Variants in FANCL observed in about 807,000 individuals in gnomAD.
FANCL encodes the protein FA complementation group L.
Under a neutral mutation model 59.4 loss-of-function variants are expected in FANCL, and 69 were observed. The ratio of observed to expected loss-of-function variants is 1.16; its 90% CI spans 0.96 to 1.42. The LOEUF (loss-of-function observed/expected upper bound fraction) is 1.42. Among genes scored for constraint, FANCL ranks in the 40% most tolerant of loss-of-function variants. The probability of loss-of-function intolerance (pLI) is 0.00; values close to 1 mark genes in which losing one functional copy is unlikely to be tolerated. For missense variants in FANCL, 519 were observed against 447.2 expected (o/e 1.16, Z -1.45); for synonymous variants, 180 against 147.1 (o/e 1.22, Z -1.62).
chr2:58,195,018 A>T (rs1689297005), intron 7 of FANCL, among the ~76,000 whole-genome samples: 2 of 152,070 alleles, frequency 1.3e-5, no homozygotes, highest in South Asian at 4.1e-4. Context: ...AGGGATTTTT[A>T]AAAAATCAAT....
chr2:58,221,709 C>T (rs1377048755), intron 5 of FANCL, among the ~76,000 whole-genome samples: 1 of 152,054 alleles, frequency 6.6e-6, no homozygotes, highest in Non-Finnish European at 1.5e-5. Context: ...TAACATCTTA[C>T]TGTGTACATA....
intron 7 of FANCL, among the ~76,000 whole-genome samples, chr2:58,173,007 C>G (rs1004777873): frequency 6.6e-6 from 1 of 152,090 alleles, no homozygotes; most frequent in African/African-American, 2.4e-5. Flanking sequence ...CCTCAGGAGC[C>G]GATGCGATCA....
At chr2:58,241,144 C>T in intron 1 of FANCL, 74 bp downstream of exon 1, 1 of 1,514,240 alleles carries the variant, frequency 6.6e-7, no homozygotes, top group Admixed American at 1.7e-5. Flanking sequence ...AACCTCCTAG[C>T]CCGTCACAGA....
intron 5 of FANCL, among the ~76,000 whole-genome samples, chr2:58,207,735 A>T (rs923285341): frequency 6.6e-6 from 1 of 152,194 alleles, no homozygotes; most frequent in African/African-American, 2.4e-5. Context: ...ATAAACTCTT[A>T]CAAGTGGTAT....
chr2:58,228,678 A>T (rs1558821776), intron 3 of FANCL, among the ~76,000 whole-genome samples: 2 of 152,212 alleles, frequency 1.3e-5, no homozygotes, highest in Non-Finnish European at 2.9e-5. Flanking sequence ...GCCCATATTT[A>T]CTAAAATTAA....
intron 7 of FANCL, among the ~76,000 whole-genome samples, chr2:58,191,970 C>G (rs1185372957): frequency 1.3e-5 from 2 of 151,864 alleles, no homozygotes; most frequent in East Asian, 3.9e-4. Context: ...CTGGTAAAGA[C>G]AGAGCCAGAA....
chr2:58,165,460 G>C (rs1039672452), intron 8 of FANCL, among the ~76,000 whole-genome samples: 5 of 152,018 alleles, frequency 3.3e-5, no homozygotes, highest in African/African-American at 1.2e-4. Context: ...CACGATTCCT[G>C]TGCTAATTAG....
intron 3 of FANCL, among the ~76,000 whole-genome samples, 165 bp downstream of exon 3, chr2:58,229,646 TCTC>T (rs1431486233): frequency 6.6e-6 from 1 of 152,146 alleles, no homozygotes; most frequent in Non-Finnish European, 1.5e-5. Context: ...TGCCTGGAGA[TCTC>T]CTGAGGACAC....
At chr2:58,177,741 C>A (rs899626215) in intron 7 of FANCL, among the ~76,000 whole-genome samples, 1 of 150,364 alleles carries the variant, frequency 6.7e-6, no homozygotes, top group Non-Finnish European at 1.5e-5. Context: ...TGTAAGTAAC[C>A]TGCACATTGT....
chr2:58,190,835 C>G (rs569647211), intron 7 of FANCL, among the ~76,000 whole-genome samples: 2 of 151,974 alleles, frequency 1.3e-5, no homozygotes, highest in African/African-American at 4.8e-5. Flanking sequence ...CTATATCTAT[C>G]TAATAAATTG....
chr2:58,184,739 C>T (rs1375966902), intron 7 of FANCL, among the ~76,000 whole-genome samples: 1 of 151,994 alleles, frequency 6.6e-6, no homozygotes, highest in African/African-American at 2.4e-5. Flanking sequence ...CAAGTTAATG[C>T]AGAAGCCTCT....
At chr2:58,234,010 T>A (rs970936940) in intron 1 of FANCL, among the ~76,000 whole-genome samples, 1 of 152,084 alleles carries the variant, frequency 6.6e-6, no homozygotes, top group East Asian at 1.9e-4. Context: ...AAATAAATTG[T>A]ACAATAAATA....
intron 5 of FANCL, among the ~76,000 whole-genome samples, chr2:58,206,739 A>G (rs1174785121): frequency 6.6e-6 from 1 of 152,216 alleles, no homozygotes; most frequent in African/African-American, 2.4e-5. Context: ...CAAAATGGCC[A>G]TGAGGTTGAT....
rs1688174222 is a variant in FANCL at position 58,184,050 on chromosome 2, T to C, written c.540+14544A>G. 2.0e-5 allele frequency among the ~76,000 whole-genome samples: 3 copies of C among 152,102 alleles called. No individual in the cohort carries two copies. In the South Asian group the frequency reaches 6.2e-4, roughly 32 times the overall value. On this transcript the variant is annotated intron_variant, in intron 7 of 13. Transcript: ENST00000233741. ...AAGTCAAGAATTCTAAATATAACTGTTTGAAAATCCATGAAGTAGGTATTG... is the reference window on the plus strand; with the variant it reads ...AAGTCAAGAATTCTAAATATAACTGCTTGAAAATCCATGAAGTAGGTATTG...
At chr2:58,226,516 T>C (rs1422766276) in intron 4 of FANCL, among the ~76,000 whole-genome samples, 3 of 152,178 alleles carry the variant, frequency 2.0e-5, no homozygotes, top group Non-Finnish European at 4.4e-5. Context: ...ACCTAGTTTA[T>C]AATACAATCA....
chr2:58,163,032 AAATGT>A lies in FANCL; in HGVS notation c.813_817del (p.His272ValfsTer6). 1 of 1,612,948 alleles carries A rather than the reference AAATGT, an allele frequency of 6.2e-7. No individual in the cohort carries two copies. The highest frequency in any genetic ancestry group is 8.5e-7 in the Non-Finnish European group (1 of 1,179,158). ...ATTATATTGCCAAGGTACCTACCAC[AAATGT>A]ATGTTCCTGCTCAGCTTAATTCCCA... On this transcript the variant is annotated frameshift_variant, in exon 10 of 14. Coordinates refer to ENST00000233741, the MANE Select transcript of FANCL (RefSeq NM_018062.4). LOFTEE classifies it high-confidence loss of function.
At position 58,241,279 on chromosome 2, in the gene FANCL, C is replaced by A. The variant is rs2104082854; in HGVS notation, c.35G>T (p.Cys12Phe). ...CCGGTTCTGGGGCAGAAGCAGGGGG[C>A]ACTGGCGCAACAGGCTCGCTTCCGT... The part of the protein sequence containing the change: ...AVTEASLLRQ[C>F]PLLLPQNRSK... The change falls in exon 1 of 14, where the codon TGC becomes TTC. Residue 12 changes from cysteine (C) to phenylalanine (F), a missense_variant. Physicochemically the swap from Cys to Phe is radical, Grantham distance 205 (BLOSUM62 -2). Coordinates refer to ENST00000233741, the MANE Select transcript of FANCL (RefSeq NM_018062.4). 1 of 1,614,258 alleles carries A rather than the reference C, an allele frequency of 6.2e-7. No homozygotes were observed. Among genetic ancestry groups the A allele is most frequent in the South Asian group, 1.1e-5 (1 of 91,088 alleles).
Position 58,232,051 on chromosome 2 carries a change from C to CA in FANCL, c.155+2dup, listed in dbSNP as rs1396633674. 6.2e-7 allele frequency: 1 copy of CA among 1,612,808 alleles called. No homozygotes were observed. The highest frequency in any genetic ancestry group is 1.3e-5 in the African/African-American group (1 of 75,000). Reference sequence around the variant, plus strand: ...GCACGTTTATAACTAAACACCATATCACCTTGCATTCTTCAGTTGTAAATC... The same window carrying CA: ...GCACGTTTATAACTAAACACCATATCAACCTTGCATTCTTCAGTTGTAAATC... On this transcript the variant is annotated splice_region_variant and intron_variant, in intron 2 of 13. Coordinates refer to ENST00000233741, the MANE Select transcript of FANCL (RefSeq NM_018062.4).
intron 7 of FANCL, among the ~76,000 whole-genome samples, chr2:58,175,815 T>C (rs545596840): frequency 0.011 from 1,632 of 151,820 alleles, 37 homozygotes; most frequent in African/African-American, 0.037. Context: ...ATAAAGGGTA[T>C]TCAATTAGGA....
Sources: gnomAD v4.1 joint callset for allele counts (sites outside exome capture counted in the v4.1 genomes callset) on GRCh38, gnomAD v4.1.1 for gene constraint, MANE v1.5 for transcripts, NCBI Gene and HGNC (gene_info 2026-07-23, HGNC 2026-07-21) for gene names.